The following SRGAP2B variants were observed in gnomAD, a reference collection of about 807,000 sequenced individuals.
SRGAP2B encodes the protein SLIT-ROBO Rho GTPase activating protein 2B, also known as SLIT-ROBO Rho GTPase-activating protein 2B.
SRGAP2B carries 9 observed loss-of-function variants against 22.2 expected under a neutral mutation model. That is an observed-to-expected ratio of 0.41 (90% CI 0.24 to 0.71). The LOEUF is 0.71. Among genes scored for constraint, SRGAP2B ranks in the 30% least tolerant of loss-of-function variants. The probability of loss-of-function intolerance (pLI) is 0.35; values close to 1 mark genes in which losing one functional copy is unlikely to be tolerated. For synonymous variants in SRGAP2B, 36 were observed against 87.4 expected (o/e 0.41, Z 3.28); for missense variants, 114 against 235.8 (o/e 0.48, Z 3.38).
At chr1:145,075,965 A>G (rs544192) in intron 2 of SRGAP2B, among the ~76,000 whole-genome samples, 7 of 149,996 alleles carry the variant, frequency 4.7e-5, no homozygotes, top group African/African-American at 7.5e-5. Context: ...GCACGCACCT[A>G]TAATCCCAGT....
chr1:145,009,536 C>T (rs1671886351), intron 2 of SRGAP2B, among the ~76,000 whole-genome samples: 3 of 140,742 alleles, frequency 2.1e-5, no homozygotes, highest in East Asian at 4.2e-4. Context: ...TGCAGTGAGC[C>T]GAGATCCCGC....
At chr1:145,000,745 G>A in intron 2 of SRGAP2B, among the ~76,000 whole-genome samples, 3 of 130,246 alleles carry the variant, frequency 2.3e-5, no homozygotes, top group Admixed American at 2.3e-4. Context: ...GAGAAAATGG[G>A]GGAGGAAGGG....
intron 2 of SRGAP2B, among the ~76,000 whole-genome samples, chr1:145,068,202 C>CAAAAAA (rs75504567): frequency 1.4e-3 from 22 of 15,346 alleles, no homozygotes; most frequent in South Asian, 2.4e-3. Context: ...GACTCCGTCT[C>CAAAAAA]AAAAAAAAAA....
chr1:145,030,179 T>C (rs1648106891), intron 2 of SRGAP2B, among the ~76,000 whole-genome samples: 1 of 147,134 alleles, frequency 6.8e-6, no homozygotes, highest in Non-Finnish European at 1.5e-5. Context: ...CCCAATTATT[T>C]ATTAACTTTG....
At chr1:144,947,769 C>T (rs1666574221) in intron 4 of SRGAP2B, among the ~76,000 whole-genome samples, 1 of 64,910 alleles carries the variant, frequency 1.5e-5, no homozygotes, top group African/African-American at 7.1e-5. Flanking sequence ...AAACATGGCT[C>T]ACATACAGAT....
chr1:144,966,249 G>A (rs377441430), intron 3 of SRGAP2B, among the ~76,000 whole-genome samples: 62 of 149,810 alleles, frequency 4.1e-4, no homozygotes, highest in East Asian at 1.7e-3. Context: ...GAGAAAGGTC[G>A]GGTTACCCTC....
At chr1:144,918,212 TG>T (rs1303189014) in intron 4 of SRGAP2B, 3 of 137,678 alleles carry the variant, frequency 2.2e-5, no homozygotes, top group Non-Finnish European at 4.6e-5. Flanking sequence ...AAATAGAAGT[TG>T]GGGGAAAAAA....
rs1415627858 is a variant in SRGAP2B, at chr1:145,017,328, G to A, written c.68-22128C>T. ...AGGTCTCCAGGTTCCCTGGGCAGGT[G>A]TGTATTATGTCAACTTGATTTAAAA... On this transcript the variant is annotated intron_variant, in intron 2 of 9. Transcript: ENST00000612199. Among the ~76,000 whole-genome samples the A allele has an allele frequency of 2.0e-5, 3 of 148,934 alleles. 1 individual carries two copies. The highest frequency in any genetic ancestry group is 1.3e-4 in the Admixed American group (2 of 14,998).
intron 4 of SRGAP2B, among the ~76,000 whole-genome samples, chr1:144,924,719 G>A (rs1288281013): frequency 8.4e-5 from 11 of 131,162 alleles, no homozygotes; most frequent in East Asian, 6.5e-4. Context: ...GTGACAGAGC[G>A]AAACTCCGTC....
intron 4 of SRGAP2B, among the ~76,000 whole-genome samples, chr1:144,941,660 G>A (rs1366879274): frequency 2.0e-5 from 3 of 148,924 alleles, no homozygotes; most frequent in Non-Finnish European, 3.0e-5. Context: ...GTCAAAAGGA[G>A]GAAAACTTAA....
At chr1:144,984,804 T>G (rs1269463200) in intron 3 of SRGAP2B, among the ~76,000 whole-genome samples, 2 of 150,866 alleles carry the variant, frequency 1.3e-5, no homozygotes, top group African/African-American at 5.0e-5. Flanking sequence ...ATTTAAACCA[T>G]CAGTGGTTTC....
chr1:144,948,518 GGTCA>G (rs1553608842), intron 4 of SRGAP2B, among the ~76,000 whole-genome samples: 1 of 65,428 alleles, frequency 1.5e-5, no homozygotes, highest in East Asian at 4.2e-4. Context: ...GAGTTCTGGA[GGTCA>G]GAACTCCAAA....
At chr1:144,962,943 C>T (rs1267510998) in intron 3 of SRGAP2B, among the ~76,000 whole-genome samples, 2 of 151,588 alleles carry the variant, frequency 1.3e-5, no homozygotes, top group African/African-American at 4.9e-5. Flanking sequence ...GGATCCAAGA[C>T]ATGGCTTTCC....
intron 2 of SRGAP2B, among the ~76,000 whole-genome samples, chr1:145,023,017 T>G (rs1354780006): frequency 1.3e-5 from 2 of 149,256 alleles, no homozygotes; most frequent in African/African-American, 5.1e-5. Context: ...ATACAAAAAT[T>G]AGCTGGGCAT....
chr1:144,987,918 G>T (rs1669868642), intron 3 of SRGAP2B, among the ~76,000 whole-genome samples: 1 of 150,968 alleles, frequency 6.6e-6, no homozygotes, highest in Non-Finnish European at 1.5e-5. Flanking sequence ...TAAGATAAGG[G>T]CAGAACTCAT....
intron 2 of SRGAP2B, among the ~76,000 whole-genome samples, chr1:145,002,005 G>T (rs1281635767): frequency 7.2e-5 from 10 of 139,554 alleles, no homozygotes; most frequent in Non-Finnish European, 1.2e-4. Flanking sequence ...CTGGGTGACA[G>T]AGCAACACCC....
At chr1:144,964,715 G>A (rs1404719162) in intron 3 of SRGAP2B, among the ~76,000 whole-genome samples, 3 of 150,752 alleles carry the variant, frequency 2.0e-5, no homozygotes, top group Non-Finnish European at 4.4e-5. Context: ...CTTTGGGCAA[G>A]TCACAAATGC....
intron 4 of SRGAP2B, among the ~76,000 whole-genome samples, chr1:144,923,454 T>C: frequency 6.7e-6 from 1 of 150,144 alleles, no homozygotes; most frequent in Middle Eastern, 3.5e-3. Flanking sequence ...GTAGAAATGG[T>C]ATCTAGGTGA....
chr1:144,924,731 C>CAAAAAAAAA (rs1156257790), intron 4 of SRGAP2B, among the ~76,000 whole-genome samples: 1 of 58,190 alleles, frequency 1.7e-5, no homozygotes, highest in African/African-American at 7.5e-5. Context: ...AACTCCGTCT[C>CAAAAAAAAA]AAAAAAAAAA....
Sources: gnomAD v4.1 joint callset for allele counts (sites outside exome capture counted in the v4.1 genomes callset) on GRCh38, gnomAD v4.1.1 for gene constraint, MANE v1.5 for transcripts, NCBI Gene and HGNC (gene_info 2026-07-23, HGNC 2026-07-21) for gene names.